The following APP variants were observed in gnomAD, a reference collection of about 807,000 sequenced individuals.
APP encodes the protein amyloid beta precursor protein.
In APP, 31 loss-of-function variants were observed where a neutral mutation model predicts 101.4. The ratio of observed to expected loss-of-function variants is 0.31; its 90% confidence interval spans 0.23 to 0.41. The LOEUF is 0.41. APP is among the 10% of genes least tolerant of loss of function. The pLI is 1.00. For synonymous variants in APP, 366 were observed against 364.4 expected (o/e 1.00, Z -0.05); for missense variants, 839 against 1,003.7 (o/e 0.84, Z 2.22).
chr21:25,961,076 T>C (rs1199299311), intron 11 of APP, among the ~76,000 whole-genome samples: 1 of 152,096 alleles, frequency 6.6e-6, no homozygotes, highest in Non-Finnish European at 1.5e-5. Context: ...AAGGGAAAAG[T>C]CTAGCTGGGA....
chr21:26,164,597 A>T (rs1305731013), intron 1 of APP, among the ~76,000 whole-genome samples: 1 of 152,116 alleles, frequency 6.6e-6, no homozygotes, highest in African/African-American at 2.4e-5. Context: ...GTACAACATT[A>T]AAAAATAGGT....
chr21:26,072,095 G>T (rs912957207), intron 3 of APP, among the ~76,000 whole-genome samples: 3 of 152,192 alleles, frequency 2.0e-5, no homozygotes, highest in Non-Finnish European at 4.4e-5. Flanking sequence ...TCTAGAGTAG[G>T]CCACCTTTGG....
At chr21:26,102,526 A>G (rs2062085341) in intron 2 of APP, among the ~76,000 whole-genome samples, 1 of 152,152 alleles carries the variant, frequency 6.6e-6, no homozygotes, top group South Asian at 2.1e-4. Flanking sequence ...ATTTATATTT[A>G]TAAATTCCTC....
intron 9 of APP, among the ~76,000 whole-genome samples, chr21:25,980,420 T>C (rs1342749429): frequency 6.6e-6 from 1 of 151,034 alleles, no homozygotes; most frequent in Non-Finnish European, 1.5e-5. Context: ...CCTCCAATGC[T>C]TTCCGAACAG....
At chr21:25,942,324 A>G (rs1402452799) in intron 13 of APP, 1 of 152,182 alleles carries the variant, frequency 6.6e-6, no homozygotes, top group Non-Finnish European at 1.5e-5. Flanking sequence ...ACTGGAATAG[A>G]TTCAGTCTTT....
At chr21:26,012,838 T>C (rs577431366) in intron 6 of APP, among the ~76,000 whole-genome samples, 2 of 151,586 alleles carry the variant, frequency 1.3e-5, no homozygotes, top group East Asian at 2.0e-4. Flanking sequence ...CCAGGTGTGG[T>C]TGCACACACC....
At chr21:25,983,808 G>C (rs1431274218) in intron 8 of APP, among the ~76,000 whole-genome samples, 5 of 152,218 alleles carry the variant, frequency 3.3e-5, no homozygotes, top group African/African-American at 1.2e-4. Context: ...TGTCTTCTCT[G>C]TAGCAAATGA....
intron 5 of APP, among the ~76,000 whole-genome samples, chr21:26,033,969 G>C (rs576408528): frequency 6.6e-6 from 1 of 152,140 alleles, no homozygotes; most frequent in African/African-American, 2.4e-5. Context: ...GTAAGACCCC[G>C]CTGGAGAGGC....
intron 2 of APP, among the ~76,000 whole-genome samples, chr21:26,104,272 C>A (rs374659952): frequency 6.6e-6 from 1 of 151,426 alleles, no homozygotes; most frequent in East Asian, 1.9e-4. Context: ...TGGGGGAACA[C>A]AAACATTCAT....
chr21:26,012,154 T>A (rs778320814), intron 6 of APP, among the ~76,000 whole-genome samples: 6 of 151,878 alleles, frequency 4.0e-5, no homozygotes, highest in African/African-American at 1.2e-4. Flanking sequence ...ACTATAAGCC[T>A]GTGACACTAC....
At chr21:25,955,149 C>T (rs537771841) in intron 12 of APP, among the ~76,000 whole-genome samples, 1 of 152,176 alleles carries the variant, frequency 6.6e-6, no homozygotes, top group East Asian at 1.9e-4. Context: ...ATATATTTAA[C>T]TCTTTCATTC....
intron 14 of APP, among the ~76,000 whole-genome samples, chr21:25,906,152 T>C (rs146550544): frequency 8.9e-4 from 136 of 152,356 alleles, no homozygotes; most frequent in African/African-American, 3.1e-3. Context: ...CAAATCGATT[T>C]TGGATGCCAC....
intron 5 of APP, among the ~76,000 whole-genome samples, chr21:26,041,399 A>C (rs999059993): frequency 6.6e-6 from 1 of 152,194 alleles, no homozygotes; most frequent in African/African-American, 2.4e-5. Context: ...AAATCATAAG[A>C]ATCTGTATTT....
intron 15 of APP, among the ~76,000 whole-genome samples, chr21:25,899,269 A>G (rs527857696): frequency 6.6e-6 from 1 of 152,298 alleles, no homozygotes; most frequent in South Asian, 2.1e-4. Flanking sequence ...TCTGGGTCAT[A>G]AGAACTTGGA....
chr21:25,892,361 C>G (rs1380611475), intron 16 of APP, among the ~76,000 whole-genome samples: 1 of 152,176 alleles, frequency 6.6e-6, no homozygotes, highest in East Asian at 1.9e-4. Context: ...AGGTGTTTTT[C>G]AACTCTGCAG....
chr21:26,070,355 G>C (rs956775372), intron 3 of APP, among the ~76,000 whole-genome samples: 2 of 152,174 alleles, frequency 1.3e-5, no homozygotes, highest in Non-Finnish European at 2.9e-5. Context: ...TCCACAGAGA[G>C]CTGAAATAAT....
chr21:26,099,139 T>C (rs1244879130), intron 2 of APP, among the ~76,000 whole-genome samples: 1 of 152,076 alleles, frequency 6.6e-6, no homozygotes, highest in Non-Finnish European at 1.5e-5. Context: ...ACAGCCAGGT[T>C]TCTAAATTTA....
At chr21:25,969,381 T>C (rs1365292428) in intron 11 of APP, among the ~76,000 whole-genome samples, 2 of 146,204 alleles carry the variant, frequency 1.4e-5, no homozygotes, top group Non-Finnish European at 3.0e-5. Context: ...AAAGAAGGTA[T>C]TTACAATTTT....
At chr21:26,129,307 C>T (rs2062745714) in intron 1 of APP, among the ~76,000 whole-genome samples, 1 of 151,950 alleles carries the variant, frequency 6.6e-6, no homozygotes, top group African/African-American at 2.4e-5. Flanking sequence ...CCCGTCTCTA[C>T]TAAAAATACA....
Sources: allele counts gnomAD v4.1 joint callset (sites outside exome capture counted in the v4.1 genomes callset), GRCh38; gene constraint gnomAD v4.1.1; transcripts MANE v1.5; gene names NCBI Gene and HGNC (gene_info 2026-07-23, HGNC 2026-07-21).